RPS6KA2: variants seen among roughly 807,000 people sequenced by gnomAD.
RPS6KA2 encodes ribosomal protein S6 kinase alpha-2.
Under a neutral mutation model 91.8 loss-of-function variants are expected in RPS6KA2, and 42 were observed. The ratio of observed to expected loss-of-function variants is 0.46; its 90% confidence interval spans 0.36 to 0.59. RPS6KA2 has a LOEUF of 0.59. RPS6KA2 is among the 20% of genes least tolerant of loss of function. The pLI is 0.00. For synonymous variants in RPS6KA2, 414 were observed against 393.6 expected (o/e 1.05, Z -0.61); for missense variants, 798 against 978.5 (o/e 0.82, Z 2.46).
At chr6:166,505,548 C>T (rs548134908) in intron 5 of RPS6KA2, among the ~76,000 whole-genome samples, 9 of 152,362 alleles carry the variant, frequency 5.9e-5, no homozygotes, top group East Asian at 3.9e-4. Flanking sequence ...GAATTCTCTC[C>T]GGTAAGCAGA....
chr6:166,668,773 AAG>A (rs1038029211), intron 2 of RPS6KA2, among the ~76,000 whole-genome samples: 10 of 152,146 alleles, frequency 6.6e-5, no homozygotes, highest in Admixed American at 2.6e-4. Context: ...TGCCAGAATT[AAG>A]AGGTTTCCTT....
intron 1 of RPS6KA2, among the ~76,000 whole-genome samples, chr6:166,586,878 G>T (rs1156616836): frequency 1.3e-5 from 2 of 152,170 alleles, no homozygotes; most frequent in Non-Finnish European, 2.9e-5. Context: ...CATAGACTGG[G>T]GCTCCCCTCA....
intron 1 of RPS6KA2, among the ~76,000 whole-genome samples, chr6:166,562,524 C>T (rs11969174): frequency 0.048 from 7,298 of 152,172 alleles, 589 homozygotes; most frequent in African/African-American, 0.16. Context: ...ACTCTGGTGA[C>T]AAAGGAATAA....
chr6:166,528,456 C>T lies in RPS6KA2; in HGVS notation c.298+2776G>A, dbSNP rs527829828. On this transcript the variant is annotated intron_variant, in intron 3 of 20. Coordinates refer to ENST00000265678, the MANE Select transcript of RPS6KA2 (RefSeq NM_021135.6). ...AAGACTTAAATGTTAGACCTAAAACCATAAAAACCCTAGAAGAAAACCTAG... is the reference window on the plus strand; with the variant it reads ...AAGACTTAAATGTTAGACCTAAAACTATAAAAACCCTAGAAGAAAACCTAG... Among the ~76,000 whole-genome samples, 1,405 of 151,500 alleles carry T rather than the reference C, an allele frequency of 9.3e-3. 20 individuals are homozygous for T. Among genetic ancestry groups the T allele is most frequent in the African/African-American group, 0.033 (1,342 of 41,164 alleles).
intron 1 of RPS6KA2, among the ~76,000 whole-genome samples, chr6:166,595,059 TG>T (rs576737017): frequency 1.4e-4 from 18 of 124,462 alleles, no homozygotes; most frequent in African/African-American, 5.2e-4. Flanking sequence ...AATTTTTTTT[TG>T]TTTTTTTTTG....
intron 2 of RPS6KA2, among the ~76,000 whole-genome samples, chr6:166,845,142 G>T (rs537926221): frequency 6.6e-6 from 1 of 152,056 alleles, no homozygotes; most frequent in Admixed American, 6.6e-5. Context: ...TATAAAAGCA[G>T]TAGTTCAACA....
intron 2 of RPS6KA2, among the ~76,000 whole-genome samples, chr6:166,795,058 C>G (rs1201423146): frequency 6.6e-6 from 1 of 151,858 alleles, no homozygotes; most frequent in Non-Finnish European, 1.5e-5. Flanking sequence ...TTCATCCATT[C>G]TAAAAGAAAT....
intron 2 of RPS6KA2, among the ~76,000 whole-genome samples, chr6:166,751,781 T>C (rs547749548): frequency 6.6e-6 from 1 of 152,336 alleles, no homozygotes; most frequent in Admixed American, 6.5e-5. Flanking sequence ...AGCCAAACAG[T>C]GGCACAGACT....
Position 166,726,612 on chromosome 6 carries a change from C to T in RPS6KA2, c.123+131588G>A, listed in dbSNP as rs187039831. Reference sequence around the variant, plus strand: ...CACCAACTGATCCAAAATATATAACCGTGATCACCTTAAATCACATAAACA... The same window carrying T: ...CACCAACTGATCCAAAATATATAACTGTGATCACCTTAAATCACATAAACA... On this transcript the variant is annotated intron_variant, in intron 2 of 21. Coordinates refer to the RPS6KA2 transcript ENST00000503859. This position sits in a 1 kb window ranked among gnomAD's most constrained non-coding sequence, Gnocchi z 4.4. Among the ~76,000 whole-genome samples the T allele has an allele frequency of 1.3e-5, 2 of 152,334 alleles. No homozygotes were observed. The highest frequency in any genetic ancestry group is 1.9e-4 in the East Asian group (1 of 5,190).
At position 166,508,147 on chromosome 6, in the gene RPS6KA2, C is replaced by T. The variant is rs1262368134; in HGVS notation, c.459+56G>A. On this transcript the variant is annotated intron_variant, in intron 5 of 20. Coordinates refer to ENST00000265678, the MANE Select transcript of RPS6KA2 (RefSeq NM_021135.6). The surrounding 1 kb of genome is among the most constrained non-coding windows in gnomAD (Gnocchi z 4.3). ...CAATGCTCTCCACCCCTCCTCCCCTCGAGTCCCAGACAGAAGCTCCTGCCC... is the reference window on the plus strand; with the variant it reads ...CAATGCTCTCCACCCCTCCTCCCCTTGAGTCCCAGACAGAAGCTCCTGCCC... The T allele has an allele frequency of 2.0e-5, 23 of 1,159,462 alleles. No homozygotes were observed. The highest frequency in any genetic ancestry group is 1.6e-4 in the Admixed American group (9 of 55,580). The allele number at this position is 1,159,462 out of a possible 1,614,324, so 71.8% of individuals were successfully genotyped here.
intron 10 of RPS6KA2, among the ~76,000 whole-genome samples, chr6:166,479,465 T>A (rs1325276922): frequency 6.6e-6 from 1 of 152,040 alleles, no homozygotes; most frequent in Non-Finnish European, 1.5e-5. Context: ...GCAGCGTGAC[T>A]CGCCAGCTGC....
chr6:166,470,983 C>T lies in RPS6KA2; in HGVS notation c.908-1078G>A, dbSNP rs567093118. 1.9e-3 allele frequency among the ~76,000 whole-genome samples: 288 copies of T among 152,198 alleles called. 2 individuals are homozygous for T. The highest frequency in any genetic ancestry group is 6.7e-3 in the African/African-American group (279 of 41,552). On this transcript the variant is annotated intron_variant, in intron 10 of 20. Transcript: ENST00000265678. ...CGGGCTTGGCTGGAAGGGGCAGTGG[C>T]GGCGGTGGCTGGGGAATTCCTGCCA...
At position 166,517,479 on chromosome 6, in the gene RPS6KA2, T is replaced by G. The variant is rs767729180; in HGVS notation, c.299-7122A>C. On this transcript the variant is annotated intron_variant, in intron 3 of 20. Coordinates refer to ENST00000265678, the MANE Select transcript of RPS6KA2 (RefSeq NM_021135.6). ...TGTTTTTTTTTTTTTTTTTTTTTTT[T>G]TTTTTTTGAGACGGAGTCTCGCTCT... 5.8e-3 allele frequency among the ~76,000 whole-genome samples: 800 copies of G among 138,248 alleles called. 10 individuals are homozygous for G. Among genetic ancestry groups the G allele is most frequent in the Non-Finnish European group, 9.6e-3 (620 of 64,604 alleles). 90.7% of individuals were successfully genotyped at this position (138,248 alleles called of 152,430 possible).
chr6:166,737,497 T>C lies in RPS6KA2; in HGVS notation c.123+120703A>G, dbSNP rs150747072. Among the ~76,000 whole-genome samples, 150 of 152,208 alleles carry C rather than the reference T, an allele frequency of 9.9e-4. No homozygotes were observed. In the East Asian group the frequency reaches 0.024, roughly 24 times the overall value. ...AGCAGACAGTGAAAAATCTATAAAT[T>C]AGAGATAAGCATCACACTCCAGAGG... On this transcript the variant is annotated intron_variant, in intron 2 of 21. Transcript: ENST00000503859. This position sits in a 1 kb window ranked among gnomAD's most constrained non-coding sequence, Gnocchi z 4.3.
chr6:166,550,736 C>G (rs1034995570), intron 1 of RPS6KA2, among the ~76,000 whole-genome samples: 1 of 152,150 alleles, frequency 6.6e-6, no homozygotes, highest in Non-Finnish European at 1.5e-5. Context: ...GGCGCGATGG[C>G]TCACGCCTGT....
intron 2 of RPS6KA2, among the ~76,000 whole-genome samples, chr6:166,742,257 T>C (rs1374643545): frequency 6.6e-6 from 1 of 152,220 alleles, no homozygotes; most frequent in African/African-American, 2.4e-5. Context: ...GCTTTTCAAA[T>C]GTCTGTCCAC....
At position 166,435,089 on chromosome 6, in the gene RPS6KA2, C is replaced by T. The variant is rs1394728235; in HGVS notation, c.1333-2599G>A. On this transcript the variant is annotated intron_variant, in intron 14 of 20. Coordinates refer to ENST00000265678, the MANE Select transcript of RPS6KA2 (RefSeq NM_021135.6). The surrounding 1 kb of genome is among the most constrained non-coding windows in gnomAD (Gnocchi z 4.3). ...TATGAAATAAAGAATTCCAAAATTTCAGCTTACTATTTTGTAAGCTGAAAT... is the reference window on the plus strand; with the variant it reads ...TATGAAATAAAGAATTCCAAAATTTTAGCTTACTATTTTGTAAGCTGAAAT... Among the ~76,000 whole-genome samples, 3 of 152,126 alleles carry T rather than the reference C, an allele frequency of 2.0e-5. No individual in the cohort carries two copies. Among genetic ancestry groups the T allele is most frequent in the Non-Finnish European group, 4.4e-5 (3 of 68,016 alleles).
chr6:166,475,031 G>A (rs747029817), intron 10 of RPS6KA2, among the ~76,000 whole-genome samples: 12 of 152,142 alleles, frequency 7.9e-5, no homozygotes, highest in Non-Finnish European at 1.8e-4. Context: ...TGAAGTCCCT[G>A]GATTTGCAAA....
At chr6:166,782,770 T>C (rs932799008) in intron 2 of RPS6KA2, among the ~76,000 whole-genome samples, 1 of 152,150 alleles carries the variant, frequency 6.6e-6, no homozygotes, top group African/African-American at 2.4e-5. Flanking sequence ...TCAGCCCGGA[T>C]GCAACAGAAG....
Sources: allele counts gnomAD v4.1 joint callset (sites outside exome capture counted in the v4.1 genomes callset), GRCh38; gene constraint gnomAD v4.1.1; non-coding constraint Gnocchi (gnomAD v3.1); transcripts MANE v1.5; gene names NCBI Gene and HGNC (gene_info 2026-07-23, HGNC 2026-07-21).